Variants in EEFSEC observed in about 807,000 individuals in gnomAD.
The protein encoded by EEFSEC is selenocysteine-specific elongation factor.
EEFSEC carries 43 observed loss-of-function variants against 42.1 expected under a neutral mutation model. The ratio of observed to expected loss-of-function variants is 1.02; its 90% CI spans 0.80 to 1.32. The LOEUF is 1.32. Among genes scored for constraint, EEFSEC ranks in the 40% most tolerant of loss-of-function variants. The pLI is 0.00. For missense variants in EEFSEC, 745 were observed against 803.6 expected, an observed-to-expected ratio of 0.93 and a Z score of 0.88; for synonymous variants, 354 against 339.1, an observed-to-expected ratio of 1.04 and a Z score of -0.48.
intron 6 of EEFSEC, among the ~76,000 whole-genome samples, chr3:128,391,464 T>C (rs895721544): frequency 6.6e-6 from 1 of 152,128 alleles, no homozygotes; most frequent in African/African-American, 2.4e-5. Flanking sequence ...GGGAAGCCCA[T>C]CTGGGGAAGG....
intron 4 of EEFSEC, among the ~76,000 whole-genome samples, chr3:128,290,763 T>G (rs1003091829): frequency 6.6e-6 from 1 of 152,236 alleles, no homozygotes; most frequent in African/African-American, 2.4e-5. Flanking sequence ...TTGTTTGTTT[T>G]TTGACAGAGT....
chr3:128,249,369 T>C (rs947290909), intron 2 of EEFSEC, among the ~76,000 whole-genome samples: 1 of 152,228 alleles, frequency 6.6e-6, no homozygotes, highest in African/African-American at 2.4e-5. Context: ...TCTTTTTTCT[T>C]TTTAACTATG....
chr3:128,378,298 A>T (rs1252643401), intron 6 of EEFSEC, among the ~76,000 whole-genome samples: 2 of 152,154 alleles, frequency 1.3e-5, no homozygotes, highest in Non-Finnish European at 2.9e-5. Context: ...GGCCTGTCAT[A>T]TGTGGGCATT....
rs535363991 is a variant in EEFSEC, at chr3:128,181,492, G to C, written c.316+27669G>C. On this transcript the variant is annotated intron_variant, in intron 1 of 6. Transcript: ENST00000254730. ...TACTGCCAGTCTCCATCCTGATCCA[G>C]ATTTAGAAACACAACAAAAACAAAA... Among the ~76,000 whole-genome samples, 397 of 152,322 alleles carry C rather than the reference G, an allele frequency of 2.6e-3. 3 individuals are homozygous for C. The highest frequency in any genetic ancestry group is 4.8e-3 in the Non-Finnish European group (327 of 68,036).
chr3:128,311,336 A>G (rs555980081), intron 4 of EEFSEC, among the ~76,000 whole-genome samples: 1 of 152,350 alleles, frequency 6.6e-6, no homozygotes. Context: ...TTTACTACAG[A>G]GGAGAGAATT....
the EEFSEC span, among the ~76,000 whole-genome samples, chr3:128,414,785 CAGGG>C: frequency 6.6e-6 from 1 of 152,196 alleles, no homozygotes. Context: ...TGGAGGCCGA[CAGGG>C]AGGAGCATGA....
chr3:128,308,925 A>G (rs1424749519), intron 4 of EEFSEC, among the ~76,000 whole-genome samples: 1 of 152,212 alleles, frequency 6.6e-6, no homozygotes, highest in East Asian at 1.9e-4. Flanking sequence ...GCAGCCTGCT[A>G]AAGAGAGTCC....
At chr3:128,364,009 A>G (rs954480408) in intron 6 of EEFSEC, among the ~76,000 whole-genome samples, 1 of 152,086 alleles carries the variant, frequency 6.6e-6, no homozygotes, top group African/African-American at 2.4e-5. Context: ...GATCTTTAAA[A>G]CAAGGGGGCC....
intron 4 of EEFSEC, among the ~76,000 whole-genome samples, chr3:128,329,770 G>A (rs958541734): frequency 4.6e-5 from 7 of 152,380 alleles, no homozygotes; most frequent in Admixed American, 2.0e-4. Context: ...CCTGAGGGGC[G>A]GGAGCTGTGG....
intron 4 of EEFSEC, among the ~76,000 whole-genome samples, chr3:128,338,436 G>A (rs770007426): frequency 6.6e-5 from 10 of 152,130 alleles, no homozygotes; most frequent in Non-Finnish European, 1.2e-4. Flanking sequence ...AGAGGCTGGG[G>A]CTGACCTGTA....
At chr3:128,290,051 A>C (rs1433113911) in intron 4 of EEFSEC, among the ~76,000 whole-genome samples, 1 of 152,190 alleles carries the variant, frequency 6.6e-6, no homozygotes, top group East Asian at 1.9e-4. Context: ...TCATTTTGTT[A>C]ATGGTGTCTT....
intron 2 of EEFSEC, among the ~76,000 whole-genome samples, chr3:128,248,560 G>A (rs921665982): frequency 6.6e-6 from 1 of 152,192 alleles, no homozygotes; most frequent in African/African-American, 2.4e-5. Flanking sequence ...CAGCGGAAGT[G>A]GATATGAGAC....
the EEFSEC span, among the ~76,000 whole-genome samples, chr3:128,422,320 T>G: frequency 6.6e-6 from 1 of 152,336 alleles, no homozygotes; most frequent in South Asian, 2.1e-4. Flanking sequence ...GAATGGAGCC[T>G]CGGATTCTCT....
chr3:128,356,899 A>G (rs2067461877), intron 5 of EEFSEC, among the ~76,000 whole-genome samples: 1 of 152,194 alleles, frequency 6.6e-6, no homozygotes, highest in Non-Finnish European at 1.5e-5. Context: ...GCTGTGCTCC[A>G]CTTCTTGAAC....
intron 4 of EEFSEC, among the ~76,000 whole-genome samples, chr3:128,314,280 T>C (rs1368325917): frequency 6.6e-6 from 1 of 152,250 alleles, no homozygotes; most frequent in Non-Finnish European, 1.5e-5. Flanking sequence ...CTCTTTCTTT[T>C]TTCTCTCTGG....
intron 1 of EEFSEC, among the ~76,000 whole-genome samples, chr3:128,201,615 C>T (rs2107818019): frequency 6.6e-6 from 1 of 152,210 alleles, no homozygotes; most frequent in South Asian, 2.1e-4. Flanking sequence ...CTTATCAGTC[C>T]TTTGTCAGAT....
At chr3:128,395,994 C>A (rs1027697192) in intron 6 of EEFSEC, among the ~76,000 whole-genome samples, 1 of 152,226 alleles carries the variant, frequency 6.6e-6, no homozygotes, top group African/African-American at 2.4e-5. Flanking sequence ...GCACAGAGCT[C>A]AGGCTCTGAC....
At chr3:128,282,505 C>T (rs1361963984) in intron 4 of EEFSEC, among the ~76,000 whole-genome samples, 1 of 152,248 alleles carries the variant, frequency 6.6e-6, no homozygotes, top group Non-Finnish European at 1.5e-5. Context: ...TGAAAGCAGA[C>T]CCACATGTTG....
At chr3:128,246,277 A>G (rs2066126507) in intron 1 of EEFSEC, among the ~76,000 whole-genome samples, 1 of 152,086 alleles carries the variant, frequency 6.6e-6, no homozygotes. Context: ...GTACTTAGCG[A>G]TTATGACACA....
Sources: gnomAD v4.1 joint callset for allele counts (sites outside exome capture counted in the v4.1 genomes callset) on GRCh38, gnomAD v4.1.1 for gene constraint, MANE v1.5 for transcripts, NCBI Gene and HGNC (gene_info 2026-07-23, HGNC 2026-07-21) for gene names.